The following NFATC3 variants were observed in gnomAD, a reference collection of about 807,000 sequenced individuals.
NFATC3 encodes the protein nuclear factor of activated T cells 3, also known as nuclear factor of activated T-cells, cytoplasmic 3.
NFATC3 carries 46 observed loss-of-function variants against 98.6 expected under a neutral mutation model. The observed-to-expected ratio is 0.47, with a 90% CI of 0.37 to 0.60. The LOEUF (loss-of-function observed/expected upper bound fraction) is 0.60, where lower values mean the gene tolerates loss of function less well. NFATC3 is among the 20% of genes least tolerant of loss of function. NFATC3 has a pLI of 0.00. For missense variants in NFATC3, 1,256 were observed against 1,295.5 expected (o/e 0.97, Z 0.47); for synonymous variants, 512 against 472.2 (o/e 1.08, Z -1.09).
At chr16:68,123,172 G>C in intron 2 of NFATC3, 51 bp downstream of exon 2, 2 of 1,529,906 alleles carry the variant, frequency 1.3e-6, no homozygotes, top group Non-Finnish European at 1.7e-6. Flanking sequence ...ATGGGTCATT[G>C]GTGGCATATA....
intron 5 of NFATC3, among the ~76,000 whole-genome samples, chr16:68,173,842 A>T (rs2039576084): frequency 6.6e-6 from 1 of 152,276 alleles, no homozygotes; most frequent in East Asian, 1.9e-4. Context: ...TAGTTTCTTT[A>T]TAGTTGTAGT....
At chr16:68,165,886 C>T (rs1336609514) in intron 4 of NFATC3, among the ~76,000 whole-genome samples, 1 of 151,976 alleles carries the variant, frequency 6.6e-6, no homozygotes, top group Non-Finnish European at 1.5e-5. Flanking sequence ...CTTTATTCTT[C>T]CAATATGTGA....
At chr16:68,112,186 C>T (rs948703510) in intron 1 of NFATC3, among the ~76,000 whole-genome samples, 1 of 150,508 alleles carries the variant, frequency 6.6e-6, no homozygotes, top group South Asian at 2.1e-4. Context: ...GGGAAGTTCT[C>T]ATGGATGATA....
intron 1 of NFATC3, among the ~76,000 whole-genome samples, chr16:68,091,990 G>A (rs1325609024): frequency 6.6e-6 from 1 of 152,134 alleles, no homozygotes; most frequent in Non-Finnish European, 1.5e-5. Flanking sequence ...CAAACATAAT[G>A]TGGGTCTGCA....
intron 8 of NFATC3, among the ~76,000 whole-genome samples, chr16:68,187,334 C>T (rs561583425): frequency 1.3e-5 from 2 of 152,292 alleles, no homozygotes; most frequent in East Asian, 3.9e-4. Flanking sequence ...TCCTGAAGGC[C>T]GCAGCTCTTC....
chr16:68,211,206 T>G (rs1375963405), intron 9 of NFATC3, among the ~76,000 whole-genome samples: 6 of 152,194 alleles, frequency 3.9e-5, no homozygotes, highest in Non-Finnish European at 8.8e-5. Flanking sequence ...TGTTTTGTTT[T>G]GAGATGGAGT....
At chr16:68,175,154 G>A (rs185874043) in intron 6 of NFATC3, among the ~76,000 whole-genome samples, 3 of 152,352 alleles carry the variant, frequency 2.0e-5, no homozygotes, top group African/African-American at 7.2e-5. Context: ...TAGGCTAAGT[G>A]AAGGAAGCCA....
At chr16:68,140,215 G>A (rs565216126) in intron 3 of NFATC3, among the ~76,000 whole-genome samples, 1 of 152,114 alleles carries the variant, frequency 6.6e-6, no homozygotes, top group Non-Finnish European at 1.5e-5. Context: ...GGTCCGGCTG[G>A]TCTCGGAACT....
intron 3 of NFATC3, among the ~76,000 whole-genome samples, chr16:68,156,599 T>C (rs1043319483): frequency 1.3e-5 from 2 of 152,080 alleles, no homozygotes; most frequent in African/African-American, 4.8e-5. Context: ...TCTCAGTTGA[T>C]AGAGAAAAAA....
At position 68,191,447 on chromosome 16, in the gene NFATC3, T is replaced by C. The variant is rs2040412371; in HGVS notation, c.2778T>C (p.Ala926=). The C allele has an allele frequency of 6.2e-7, 1 of 1,614,144 alleles. No individual in the cohort carries two copies. The highest frequency in any genetic ancestry group is 1.6e-4 in the Middle Eastern group (1 of 6,062). The part of the protein sequence containing the change: ...GPSHSGSATT[A]SPAASHPLAS... ...CACATTCAGGGTCTGCTACAACAGC[T>C]TCCCCAGCAGCTTCTCATCCCTTGG... Residue 926 remains alanine, a synonymous_variant, in exon 9 of 10, where the codon GCT becomes GCC. Coordinates refer to ENST00000346183, the MANE Select transcript of NFATC3 (RefSeq NM_173165.3).
At chr16:68,108,288 T>G (rs1391175407) in intron 1 of NFATC3, among the ~76,000 whole-genome samples, 17 of 152,214 alleles carry the variant, frequency 1.1e-4, no homozygotes, top group Admixed American at 1.1e-3. Context: ...TTCAGTTTTC[T>G]GCATATGGCT....
At chr16:68,185,267 G>A (rs933486532) in intron 8 of NFATC3, among the ~76,000 whole-genome samples, 1 of 152,098 alleles carries the variant, frequency 6.6e-6, no homozygotes, top group Non-Finnish European at 1.5e-5. Flanking sequence ...GTGAGCCACC[G>A]CGCCTGGCCC....
intron 9 of NFATC3, among the ~76,000 whole-genome samples, chr16:68,214,929 T>C (rs944652535): frequency 1.3e-5 from 2 of 152,164 alleles, no homozygotes. Context: ...GGAAGAAAGC[T>C]GTAGTACTAG....
chr16:68,222,603 A>C (rs970043322), intron 9 of NFATC3, among the ~76,000 whole-genome samples: 1 of 152,200 alleles, frequency 6.6e-6, no homozygotes, highest in Admixed American at 6.5e-5. Flanking sequence ...AAAATCAAAT[A>C]ACATGCATTA....
rs148980347 is a variant in NFATC3 at position 68,191,406 on chromosome 16, A to G, written c.2737A>G (p.Ile913Val). 9.9e-6 allele frequency: 16 copies of G among 1,614,082 alleles called. No homozygotes were observed. The highest frequency in any genetic ancestry group is 2.2e-5 in the East Asian group (1 of 44,880). Residue 913 changes from isoleucine to valine, a missense_variant, in exon 9 of 10, where the codon ATT becomes GTT. Physicochemically the swap from Ile to Val is conservative, Grantham distance 29. Coordinates refer to ENST00000346183, the MANE Select transcript of NFATC3 (RefSeq NM_173165.3). Reference sequence around the variant, plus strand: ...TCAGCCTTCGTCTCAGTTACAACCTATTACATATGGTCCTTCACATTCAGG... The same window carrying G: ...TCAGCCTTCGTCTCAGTTACAACCTGTTACATATGGTCCTTCACATTCAGG... Reference protein sequence around the residue: ...TGQPSSQLQPITYGPSHSGSA... With the variant: ...TGQPSSQLQPVTYGPSHSGSA...
chr16:68,191,371 A>G lies in NFATC3; in HGVS notation c.2702A>G (p.Gln901Arg), dbSNP rs1465683164. 6 of 1,614,186 alleles carry G rather than the reference A, an allele frequency of 3.7e-6. No homozygotes were observed. Among genetic ancestry groups the G allele is most frequent in the Non-Finnish European group, 5.1e-6 (6 of 1,180,012 alleles). ...QRSLSSPVAD[Q>R]ITGQPSSQLQ... The stretch of plus-strand genomic sequence containing the variant: ...TCTCTTTCTTCTCCAGTGGCTGACC[A>G]GATTACAGGTCAGCCTTCGTCTCAG... The change falls in exon 9 of 10, where the codon CAG becomes CGG. Residue 901 changes from glutamine (Q) to arginine (R), a missense_variant. Coordinates refer to ENST00000346183, the MANE Select transcript of NFATC3 (RefSeq NM_173165.3).
At chr16:68,176,085 C>T (rs1282921028) in intron 6 of NFATC3, among the ~76,000 whole-genome samples, 1 of 151,966 alleles carries the variant, frequency 6.6e-6, no homozygotes, top group Non-Finnish European at 1.5e-5. Flanking sequence ...TCAAGCAATT[C>T]TCCTGCCTCA....
chr16:68,150,135 G>A (rs2038236921), intron 3 of NFATC3, among the ~76,000 whole-genome samples: 1 of 152,028 alleles, frequency 6.6e-6, no homozygotes, highest in Non-Finnish European at 1.5e-5. Flanking sequence ...AACCTTTGGT[G>A]GTTATATCCT....
chr16:68,105,157 C>G (rs1236211016), intron 1 of NFATC3, among the ~76,000 whole-genome samples: 1 of 143,086 alleles, frequency 7.0e-6, no homozygotes, highest in African/African-American at 2.6e-5. Context: ...CTGGTATGAT[C>G]TTGGCTTACT....
Sources: gnomAD v4.1 joint callset for allele counts (sites outside exome capture counted in the v4.1 genomes callset) on GRCh38, gnomAD v4.1.1 for gene constraint, MANE v1.5 for transcripts, NCBI Gene and HGNC (gene_info 2026-07-23, HGNC 2026-07-21) for gene names.